The following TAFA2 variants were observed in gnomAD, a reference collection of about 807,000 sequenced individuals.
TAFA2 encodes the protein TAFA chemokine like family member 2, also known as chemokine-like protein TAFA-2.
Under a neutral mutation model 18.8 loss-of-function variants are expected in TAFA2, and 7 were observed. The observed-to-expected ratio is 0.37, with a 90% CI of 0.21 to 0.70. The LOEUF (loss-of-function observed/expected upper bound fraction) is 0.70, where lower values mean the gene tolerates loss of function less well. Ranked by LOEUF, TAFA2 falls within the 30% of genes least tolerant of loss-of-function variation. The pLI is 0.53. For missense variants in TAFA2, 122 were observed against 158.1 expected (o/e 0.77, Z 1.23); for synonymous variants, 60 against 54.2 (o/e 1.11, Z -0.47).
At chr12:61,826,563 A>G (rs1872543614) in intron 2 of TAFA2, among the ~76,000 whole-genome samples, 1 of 152,140 alleles carries the variant, frequency 6.6e-6, no homozygotes, top group African/African-American at 2.4e-5. Flanking sequence ...ATACCACCAC[A>G]AAGCAAATAA....
At chr12:61,972,150 G>A (rs954667721) in intron 1 of TAFA2, among the ~76,000 whole-genome samples, 3 of 151,586 alleles carry the variant, frequency 2.0e-5, no homozygotes, top group South Asian at 2.1e-4. Context: ...ATACAGGTAA[G>A]CCTGTCATGG....
At chr12:61,730,175 T>C (rs1167863759) in intron 4 of TAFA2, among the ~76,000 whole-genome samples, 2 of 152,078 alleles carry the variant, frequency 1.3e-5, no homozygotes, top group Non-Finnish European at 2.9e-5. Flanking sequence ...CAGTTTTCTT[T>C]AGTGCACTGG....
At chr12:61,951,891 T>TAAA (rs5798623) in intron 1 of TAFA2, among the ~76,000 whole-genome samples, 3 of 149,026 alleles carry the variant, frequency 2.0e-5, no homozygotes, top group Non-Finnish European at 4.5e-5. Context: ...TTCACTTAAT[T>TAAA]AAAAAAAAAA....
At chr12:61,945,857 A>G (rs1197379916) in intron 1 of TAFA2, among the ~76,000 whole-genome samples, 1 of 150,026 alleles carries the variant, frequency 6.7e-6, no homozygotes, top group African/African-American at 2.5e-5. Context: ...GGAAGAATCA[A>G]TATCGTGAAA....
intron 1 of TAFA2, among the ~76,000 whole-genome samples, chr12:61,923,516 A>T (rs1877148008): frequency 6.6e-6 from 1 of 152,182 alleles, no homozygotes; most frequent in South Asian, 2.1e-4. Context: ...GCTAGAAGGA[A>T]AACTAACAAA....
intron 1 of TAFA2, among the ~76,000 whole-genome samples, chr12:61,924,945 T>C (rs1357026398): frequency 6.6e-6 from 1 of 152,082 alleles, no homozygotes; most frequent in African/African-American, 2.4e-5. Context: ...TCCTAGTCTC[T>C]GATGAAACAG....
intron 1 of TAFA2, among the ~76,000 whole-genome samples, chr12:62,048,793 C>T (rs1881975428): frequency 6.6e-6 from 1 of 152,160 alleles, no homozygotes; most frequent in South Asian, 2.1e-4. Context: ...CTACACTTTG[C>T]TATCACAATT....
At chr12:62,028,322 C>G (rs1426619401) in intron 1 of TAFA2, among the ~76,000 whole-genome samples, 1 of 152,132 alleles carries the variant, frequency 6.6e-6, no homozygotes, top group African/African-American at 2.4e-5. Context: ...AGACCCGTGA[C>G]AGAAAGACAG....
At chr12:61,768,141 T>C (rs953922877) in intron 2 of TAFA2, among the ~76,000 whole-genome samples, 1 of 151,946 alleles carries the variant, frequency 6.6e-6, no homozygotes, top group African/African-American at 2.4e-5. Flanking sequence ...ATCCAAACCA[T>C]CTCTACTTTT....
chr12:61,908,224 T>C (rs1343139832), intron 1 of TAFA2, among the ~76,000 whole-genome samples: 1 of 152,194 alleles, frequency 6.6e-6, no homozygotes, highest in African/African-American at 2.4e-5. Flanking sequence ...TCTTGAATTA[T>C]AGCTTTCATA....
At chr12:62,156,368 A>T (rs144759340) in intron 1 of TAFA2, among the ~76,000 whole-genome samples, 3,129 of 152,288 alleles carry the variant, frequency 0.021, 115 homozygotes, top group African/African-American at 0.07. Context: ...GAGTACAGCC[A>T]CTGTGGAAAA....
intron 1 of TAFA2, among the ~76,000 whole-genome samples, chr12:62,116,538 A>G (rs533641527): frequency 6.6e-6 from 1 of 152,322 alleles, no homozygotes; most frequent in South Asian, 2.1e-4. Flanking sequence ...ACAATTAAGA[A>G]GGAAGCCTTT....
At chr12:62,231,199 C>T (rs898482527) in intron 1 of TAFA2, among the ~76,000 whole-genome samples, 5 of 152,058 alleles carry the variant, frequency 3.3e-5, no homozygotes, top group African/African-American at 9.7e-5. Flanking sequence ...TTAATGTTTG[C>T]TTTATATATT....
intron 4 of TAFA2, among the ~76,000 whole-genome samples, chr12:61,741,785 A>G (rs182181547): frequency 1.3e-5 from 2 of 152,170 alleles, no homozygotes; most frequent in Admixed American, 6.5e-5. Context: ...AAAATCTAGC[A>G]CAATGTCTGG....
At chr12:61,924,717 A>C (rs1048121717) in intron 1 of TAFA2, among the ~76,000 whole-genome samples, 5 of 152,224 alleles carry the variant, frequency 3.3e-5, no homozygotes, top group Admixed American at 2.0e-4. Flanking sequence ...TCATAATGAC[A>C]GGATCAAATT....
At chr12:62,092,225 A>C (rs1228538109) in intron 1 of TAFA2, among the ~76,000 whole-genome samples, 1 of 151,928 alleles carries the variant, frequency 6.6e-6, no homozygotes, top group Non-Finnish European at 1.5e-5. Flanking sequence ...TGTCCTATTA[A>C]ACCACTATAT....
intron 1 of TAFA2, among the ~76,000 whole-genome samples, chr12:61,899,920 T>C (rs1876023266): frequency 6.6e-6 from 1 of 152,236 alleles, no homozygotes; most frequent in Non-Finnish European, 1.5e-5. Context: ...AGGCAAATAC[T>C]ACAGCCATTT....
intron 1 of TAFA2, among the ~76,000 whole-genome samples, chr12:61,976,291 A>G (rs577487651): frequency 1.3e-5 from 2 of 152,068 alleles, no homozygotes; most frequent in East Asian, 1.9e-4. Flanking sequence ...TCCTACCAAC[A>G]TGATAGAACC....
At chr12:62,036,406 G>A (rs1240310487) in intron 1 of TAFA2, among the ~76,000 whole-genome samples, 1 of 152,230 alleles carries the variant, frequency 6.6e-6, no homozygotes, top group Admixed American at 6.5e-5. Flanking sequence ...GCCTACAGAA[G>A]AGAAAGCAGG....
Sources: gnomAD v4.1 joint callset for allele counts (sites outside exome capture counted in the v4.1 genomes callset) on GRCh38, gnomAD v4.1.1 for gene constraint, MANE v1.5 for transcripts, NCBI Gene and HGNC (gene_info 2026-07-23, HGNC 2026-07-21) for gene names.